SNX31: variants seen among roughly 807,000 people sequenced by gnomAD.
SNX31 encodes sorting nexin 31.
SNX31 carries 58 observed loss-of-function variants against 65.4 expected under a neutral mutation model. The ratio of observed to expected loss-of-function variants is 0.89; its 90% CI spans 0.72 to 1.10. The LOEUF is 1.10. Ranked by LOEUF, SNX31 falls within the 50% of genes least tolerant of loss-of-function variation. The pLI is 0.00. For missense variants in SNX31, 523 were observed against 529.7 expected, an observed-to-expected ratio of 0.99 and a Z score of 0.12; for synonymous variants, 181 against 190.1, an observed-to-expected ratio of 0.95 and a Z score of 0.39.
rs756059551 is a variant in SNX31, at chr8:100,612,015, A to G, written c.596T>C (p.Val199Ala). 2 of 1,614,076 alleles carry G rather than the reference A, an allele frequency of 1.2e-6. No homozygotes were observed. Among genetic ancestry groups the G allele is most frequent in the African/African-American group, 2.7e-5 (2 of 75,044 alleles). ...ACCTACTTACCACTTTCGGAGTCCA[A>G]CCTTACAGTTTTCCACCTCAGAACT... Reference protein sequence around the residue: ...LGSSEVENCKVGLRKWYMAPS... With the variant: ...LGSSEVENCKAGLRKWYMAPS... Residue 199 changes from valine (V) to alanine (A), a missense_variant, in exon 7 of 14, where the codon GTT (valine) becomes GCT (alanine). Physicochemically the swap from Val to Ala is moderately conservative, Grantham distance 64. Transcript: ENST00000311812. This position sits in a 1 kb window ranked among gnomAD's most constrained non-coding sequence, Gnocchi z 4.3.
chr8:100,621,234 A>G (rs1213827383), intron 4 of SNX31, among the ~76,000 whole-genome samples: 1 of 152,176 alleles, frequency 6.6e-6, no homozygotes, highest in Non-Finnish European at 1.5e-5. Context: ...ATGTGACTGT[A>G]GGTTCTAAAT....
intron 10 of SNX31, among the ~76,000 whole-genome samples, chr8:100,592,722 C>T (rs1184008307): frequency 6.6e-6 from 1 of 152,126 alleles, no homozygotes; most frequent in Non-Finnish European, 1.5e-5. Context: ...AGAAGCAACC[C>T]AAATGTCTAT....
chr8:100,590,175 T>G (rs1370840296), intron 10 of SNX31, among the ~76,000 whole-genome samples: 3 of 152,238 alleles, frequency 2.0e-5, no homozygotes, highest in Non-Finnish European at 4.4e-5. Flanking sequence ...TCTTACAGGT[T>G]TTATAAGCTA....
At chr8:100,657,362 G>T (rs1453028177) in intron 1 of SNX31, among the ~76,000 whole-genome samples, 1 of 151,356 alleles carries the variant, frequency 6.6e-6, no homozygotes, top group East Asian at 1.9e-4. Flanking sequence ...TGAGGCAGGA[G>T]AATTGCTTGA....
At chr8:100,650,291 C>T (rs771741390), upstream of SNX31, among the ~76,000 whole-genome samples, 17 of 152,206 alleles carry the variant, frequency 1.1e-4, no homozygotes, top group Non-Finnish European at 7.4e-5. Flanking sequence ...CACAGAGATG[C>T]TGCAGCTCTC....
chr8:100,631,006 T>A (rs1215930287), intron 3 of SNX31, among the ~76,000 whole-genome samples: 9 of 152,218 alleles, frequency 5.9e-5, no homozygotes, highest in African/African-American at 2.2e-4. Context: ...CAGGCTGGTC[T>A]CAAATGCCCA....
intron 12 of SNX31, among the ~76,000 whole-genome samples, chr8:100,579,046 A>G (rs1168773673): frequency 6.6e-6 from 1 of 152,022 alleles, no homozygotes; most frequent in East Asian, 1.9e-4. Context: ...AAAACCAGTT[A>G]TTAAGTCTTG....
rs995639301 is a variant in SNX31, at chr8:100,649,652, G to A, written c.-138C>T. Reference sequence around the variant, plus strand: ...GCGAACCCCGGCGCCCGCTCTCGCCGGCCGGGGACATCTACAGGTGGGGCC... The same window carrying A: ...GCGAACCCCGGCGCCCGCTCTCGCCAGCCGGGGACATCTACAGGTGGGGCC... On this transcript the variant is annotated 5_prime_UTR_variant, in exon 1 of 14. Transcript: ENST00000311812. The A allele has an allele frequency of 3.9e-6, 3 of 767,028 alleles. No homozygotes were observed. The highest frequency in any genetic ancestry group is 1.9e-5 in the African/African-American group (1 of 53,326). The allele number at this position is 767,028 out of a possible 1,614,324, so 47.5% of individuals were successfully genotyped here.
chr8:100,594,425 T>A lies in SNX31; in HGVS notation c.978+2214A>T, dbSNP rs1295598253. ...ACAAAGAACAAGTATCTAGAATACATAAAGAACTCTCAACACTCAACAGTA... is the reference window on the plus strand; with the variant it reads ...ACAAAGAACAAGTATCTAGAATACAAAAAGAACTCTCAACACTCAACAGTA... On this transcript the variant is annotated intron_variant, in intron 10 of 13. Coordinates refer to ENST00000311812, the MANE Select transcript of SNX31 (RefSeq NM_152628.4). This position sits in a 1 kb window ranked among gnomAD's most constrained non-coding sequence, Gnocchi z 4.0. Among the ~76,000 whole-genome samples, 3 of 152,012 alleles carry A rather than the reference T, an allele frequency of 2.0e-5. No individual in the cohort carries two copies. The highest frequency in any genetic ancestry group is 7.3e-5 in the African/African-American group (3 of 41,372).
At chr8:100,618,560 A>C in intron 4 of SNX31, 1 of 548,616 alleles carries the variant, frequency 1.8e-6, no homozygotes. Context: ...TACCCCCTTC[A>C]CATGCCAGCA....
At chr8:100,642,593 G>A (rs1819334113) in intron 2 of SNX31, among the ~76,000 whole-genome samples, 1 of 152,156 alleles carries the variant, frequency 6.6e-6, no homozygotes, top group Admixed American at 6.5e-5. Flanking sequence ...TGACCTAAGG[G>A]GGACAATGAA....
In SNX31 at chr8:100,660,246, C is replaced by A. The variant is rs1268424249; in HGVS notation, c.-58+2896G>T. On this transcript the variant is annotated intron_variant, in intron 1 of 5. Coordinates refer to the SNX31 transcript ENST00000520352. This position sits in a 1 kb window ranked among gnomAD's most constrained non-coding sequence, Gnocchi z 4.1. ...CCCACAGATTAGCTAATGGTATTAG[C>A]AGTAGTAATAATAGTAGAATGCTGA... Among the ~76,000 whole-genome samples the A allele has an allele frequency of 6.6e-6, 1 of 152,094 alleles. No homozygotes were observed. The highest frequency in any genetic ancestry group is 1.5e-5 in the Non-Finnish European group (1 of 68,036).
At chr8:100,645,705 A>G (rs966725270) in intron 2 of SNX31, among the ~76,000 whole-genome samples, 7 of 144,122 alleles carry the variant, frequency 4.9e-5, no homozygotes, top group African/African-American at 1.8e-4. Flanking sequence ...TCCACCTCCC[A>G]GGCTCAAGCG....
chr8:100,593,276 A>T (rs1273093674), intron 10 of SNX31, among the ~76,000 whole-genome samples: 1 of 152,132 alleles, frequency 6.6e-6, no homozygotes, highest in Non-Finnish European at 1.5e-5. Context: ...CAGAACAGAG[A>T]ACCTAGAAAC....
intron 8 of SNX31, among the ~76,000 whole-genome samples, chr8:100,601,231 T>C (rs935482044): frequency 2.0e-5 from 3 of 152,218 alleles, no homozygotes; most frequent in African/African-American, 4.8e-5. Context: ...GTGATGTAGG[T>C]ACTGTTATGA....
intron 10 of SNX31, among the ~76,000 whole-genome samples, chr8:100,593,535 C>G (rs936105689): frequency 2.0e-5 from 3 of 150,474 alleles, no homozygotes; most frequent in African/African-American, 7.3e-5. Flanking sequence ...CTCACTGCAA[C>G]CTCCCCCTCC....
upstream of SNX31, among the ~76,000 whole-genome samples, chr8:100,650,106 A>G (rs1819917587): frequency 6.6e-6 from 1 of 152,170 alleles, no homozygotes; most frequent in South Asian, 2.1e-4. Flanking sequence ...TTGATCCCTG[A>G]GAAGCCCTCA....
chr8:100,595,026 A>C (rs1327251442), intron 10 of SNX31, among the ~76,000 whole-genome samples: 1 of 152,240 alleles, frequency 6.6e-6, no homozygotes, highest in Non-Finnish European at 1.5e-5. Flanking sequence ...AATTATGCAG[A>C]GCAAAAATGA....
chr8:100,606,783 C>G (rs1816203591), intron 8 of SNX31, among the ~76,000 whole-genome samples: 1 of 152,202 alleles, frequency 6.6e-6, no homozygotes, highest in Non-Finnish European at 1.5e-5. Context: ...AATCCAAACC[C>G]ACTACTCAAT....
Sources: gnomAD v4.1 joint callset for allele counts (sites outside exome capture counted in the v4.1 genomes callset) on GRCh38, gnomAD v4.1.1 for gene constraint, Gnocchi (gnomAD v3.1) non-coding constraint, MANE v1.5 for transcripts, NCBI Gene and HGNC (gene_info 2026-07-23, HGNC 2026-07-21) for gene names.